Variants in ESRRB observed in about 807,000 individuals in gnomAD.
ESRRB encodes steroid hormone receptor ERR2.
A neutral mutation model predicts 46.0 loss-of-function variants in ESRRB; 16 were observed. The observed-to-expected ratio is 0.35, with a 90% CI of 0.24 to 0.53. The LOEUF is 0.53. Ranked by LOEUF, ESRRB falls within the 20% of genes least tolerant of loss-of-function variation. The pLI is 0.93. For synonymous variants in ESRRB, 246 were observed against 259.6 expected (o/e 0.95, Z 0.50); for missense variants, 488 against 607.4 (o/e 0.80, Z 2.07).
upstream of ESRRB, among the ~76,000 whole-genome samples, chr14:76,370,659 TCTC>T (rs548135855): frequency 9.8e-5 from 15 of 152,294 alleles, no homozygotes; most frequent in African/African-American, 3.6e-4. Flanking sequence ...TCTTTGTGCT[TCTC>T]CTACTCCTCT....
intron 6 of ESRRB, among the ~76,000 whole-genome samples, chr14:76,494,667 C>T (rs1473677189): frequency 6.6e-6 from 1 of 152,132 alleles, no homozygotes; most frequent in Non-Finnish European, 1.5e-5. Flanking sequence ...TCTACAATGA[C>T]GTATCATACA....
At chr14:76,372,534 G>A (rs890131707), upstream of ESRRB, among the ~76,000 whole-genome samples, 1 of 152,142 alleles carries the variant, frequency 6.6e-6, no homozygotes, top group Non-Finnish European at 1.5e-5. Flanking sequence ...GAGGGAGGGA[G>A]TAGGAAAAGC....
intron 1 of ESRRB, among the ~76,000 whole-genome samples, chr14:76,417,132 A>T (rs1314368316): frequency 1.3e-5 from 2 of 152,186 alleles, no homozygotes; most frequent in Non-Finnish European, 2.9e-5. Flanking sequence ...GTGAGACTCC[A>T]TCTCAAAAAC....
intron 1 of ESRRB, among the ~76,000 whole-genome samples, chr14:76,325,332 T>C (rs772699505): frequency 6.6e-6 from 1 of 152,156 alleles, no homozygotes; most frequent in Non-Finnish European, 1.5e-5. Context: ...TCTTATTCTT[T>C]TGGAGTTTGA....
intron 1 of ESRRB, among the ~76,000 whole-genome samples, chr14:76,399,610 G>A (rs1320028399): frequency 6.6e-6 from 1 of 152,212 alleles, no homozygotes; most frequent in Non-Finnish European, 1.5e-5. Flanking sequence ...AATTAGCTGG[G>A]TGACAGAGCT....
At position 76,358,372 on chromosome 14, in the gene ESRRB, AAAGAAAGAAAGAAAG is replaced by A. The variant is rs1884418825; in HGVS notation, c.2+47459_2+47473del. Among the ~76,000 whole-genome samples the A allele has an allele frequency of 2.5e-5, 2 of 78,918 alleles. 1 individual carries two copies. Among genetic ancestry groups the A allele is most frequent in the Non-Finnish European group, 6.0e-5 (2 of 33,420 alleles). 51.8% of individuals were successfully genotyped at this position (78,918 alleles called of 152,430 possible). A position where few individuals can be genotyped will look rare whatever the true frequency, so the allele number is the denominator to read the frequency against. On this transcript the variant is annotated intron_variant, in intron 1 of 6. Transcript: ENST00000512784. ...GAAAGAAAGAAAGAAAGAAAGAAAG[AAAGAAAGAAAGAAAG>A]AAAGAAAGAAAGAAAGAAAGAAAGA...
Position 76,498,465 on chromosome 14 carries a change from C to T in ESRRB, c.*7C>T, listed in dbSNP as rs374018995. The T allele has an allele frequency of 2.5e-5, 41 of 1,613,024 alleles. No individual in the cohort carries two copies. Among genetic ancestry groups the T allele is most frequent in the African/African-American group, 2.0e-4 (15 of 74,948 alleles). On this transcript the variant is annotated 3_prime_UTR_variant, in exon 7 of 7. Transcript: ENST00000644823. ...GCTGGAGGCCAAGGTGTGATGGCCC[C>T]GCACACGGACCAATGCCCACCTACA...
chr14:76,450,103 G>A (rs930142948), intron 2 of ESRRB, among the ~76,000 whole-genome samples: 11 of 151,758 alleles, frequency 7.2e-5, no homozygotes, highest in African/African-American at 2.7e-4. Context: ...GTGTTATGAA[G>A]GAGAAAAAAC....
At chr14:76,495,989 T>C (rs1033707275) in intron 6 of ESRRB, among the ~76,000 whole-genome samples, 1 of 152,184 alleles carries the variant, frequency 6.6e-6, no homozygotes, top group Non-Finnish European at 1.5e-5. Flanking sequence ...CAGTGAGACC[T>C]GGGTTCAAAT....
At chr14:76,417,523 A>C (rs566750442) in intron 1 of ESRRB, among the ~76,000 whole-genome samples, 10 of 152,294 alleles carry the variant, frequency 6.6e-5, no homozygotes, top group African/African-American at 2.4e-4. Flanking sequence ...ATCAACATCA[A>C]TGTTGTTTCC....
Position 76,499,861 on chromosome 14 carries a change from A to T in ESRRB, c.*1403A>T, listed in dbSNP as rs947945276. 6.2e-7 allele frequency: 1 copy of T among 1,613,926 alleles called. No homozygotes were observed. The highest frequency in any genetic ancestry group is 1.7e-5 in the Admixed American group (1 of 60,032). On this transcript the variant is annotated 3_prime_UTR_variant, in exon 7 of 7. Transcript: ENST00000644823. Reference sequence around the variant, plus strand: ...GCCCTGAACACCCATTTGTGCTCACAGGTTGGCCAAGAGCAGCTTAGAGGA... The same window carrying T: ...GCCCTGAACACCCATTTGTGCTCACTGGTTGGCCAAGAGCAGCTTAGAGGA...
intron 2 of ESRRB, among the ~76,000 whole-genome samples, chr14:76,447,673 GAC>G (rs1888209220): frequency 6.6e-6 from 1 of 151,974 alleles, no homozygotes; most frequent in Non-Finnish European, 1.5e-5. Context: ...GTTCAAGCCA[GAC>G]ACCTGGGTCT....
intron 1 of ESRRB, among the ~76,000 whole-genome samples, chr14:76,343,767 T>C (rs1221581479): frequency 6.6e-6 from 1 of 152,248 alleles, no homozygotes; most frequent in Non-Finnish European, 1.5e-5. Flanking sequence ...TTCCACTTCA[T>C]TCTGTTGATT....
chr14:76,342,627 A>T (rs1243355366), intron 1 of ESRRB, among the ~76,000 whole-genome samples: 2 of 152,226 alleles, frequency 1.3e-5, no homozygotes, highest in African/African-American at 2.4e-5. Context: ...TATGGAGCCA[A>T]AGACTTCTGG....
At chr14:76,462,712 G>A in intron 3 of ESRRB, 51 bp downstream of exon 3, 2 of 1,421,054 alleles carry the variant, frequency 1.4e-6, no homozygotes, top group Middle Eastern at 1.8e-4. Context: ...GCTTGCTGGG[G>A]AGTTTTTGTC....
chr14:76,434,255 T>C (rs1197180003), intron 1 of ESRRB, among the ~76,000 whole-genome samples: 1 of 152,024 alleles, frequency 6.6e-6, no homozygotes, highest in Admixed American at 6.6e-5. Flanking sequence ...GCAACTTTCT[T>C]CCCCCTGCCT....
upstream of ESRRB, among the ~76,000 whole-genome samples, chr14:76,373,131 A>T (rs1884663634): frequency 1.3e-5 from 2 of 152,208 alleles, no homozygotes. Context: ...CATTTACTGC[A>T]TCTAATAGCT....
At chr14:76,443,909 C>G (rs529702411) in intron 2 of ESRRB, among the ~76,000 whole-genome samples, 5 of 152,204 alleles carry the variant, frequency 3.3e-5, no homozygotes, top group Non-Finnish European at 7.3e-5. Flanking sequence ...AACTGAACTG[C>G]TGCAGCCTCT....
chr14:76,398,562 G>T (rs1045846216), intron 1 of ESRRB, among the ~76,000 whole-genome samples: 2 of 152,124 alleles, frequency 1.3e-5, no homozygotes, highest in Admixed American at 6.5e-5. Context: ...TTCTTGGCAG[G>T]GTGCAGTGGG....
Sources: allele counts gnomAD v4.1 joint callset (sites outside exome capture counted in the v4.1 genomes callset), GRCh38; gene constraint gnomAD v4.1.1; transcripts MANE v1.5; gene names NCBI Gene and HGNC (gene_info 2026-07-23, HGNC 2026-07-21).